Variants in FBXW10B observed in about 807,000 individuals in gnomAD.
FBXW10B encodes the protein F-box and WD repeat domain containing 10B.
chr17:15,575,091 G>GT, the FBXW10B span, among the ~76,000 whole-genome samples: 14,687 of 135,396 alleles, frequency 0.11, 634 homozygotes, highest in East Asian at 0.32. Context: ...CAAGAGGAGG[G>GT]GACAGCAGGA....
the FBXW10B span, among the ~76,000 whole-genome samples, chr17:15,576,906 G>C: frequency 0.86 from 110,293 of 127,746 alleles, 48,057 homozygotes; most frequent in African/African-American, 0.93. Context: ...CAGGGTTTAG[G>C]TTAAGTATTA....
the FBXW10B span, among the ~76,000 whole-genome samples, chr17:15,571,193 T>TA: frequency 6.6e-6 from 1 of 151,602 alleles, no homozygotes; most frequent in Non-Finnish European, 1.5e-5. Context: ...AAAATTTTTT[T>TA]AAAAAATTAG....
At chr17:15,571,331 C>G in the FBXW10B span, among the ~76,000 whole-genome samples, 1 of 148,114 alleles carries the variant, frequency 6.8e-6, no homozygotes, top group Non-Finnish European at 1.5e-5. Context: ...GGTGACACAG[C>G]AAGACCCTGT....
the FBXW10B span, among the ~76,000 whole-genome samples, chr17:15,576,797 T>C: frequency 2.7e-5 from 4 of 150,476 alleles, no homozygotes; most frequent in South Asian, 2.1e-4. Context: ...ACACTTGGAA[T>C]TGGGGTCAGT....
the FBXW10B span, among the ~76,000 whole-genome samples, chr17:15,612,291 A>G: frequency 1.3e-5 from 2 of 152,116 alleles, no homozygotes; most frequent in South Asian, 2.1e-4. Flanking sequence ...GCGGATCACA[A>G]GGTCAGGAGA....
the FBXW10B span, chr17:15,593,418 A>G: frequency 3.7e-6 from 6 of 1,614,154 alleles, no homozygotes; most frequent in Non-Finnish European, 5.1e-6. Flanking sequence ...CCCATTGAAG[A>G]AATTGTAAAT....
chr17:15,608,152 A>G, the FBXW10B span, among the ~76,000 whole-genome samples: 2 of 139,092 alleles, frequency 1.4e-5, no homozygotes, highest in African/African-American at 2.9e-5. Context: ...ATGCTATGCT[A>G]TGCATTTGCA....
the FBXW10B span, among the ~76,000 whole-genome samples, chr17:15,597,985 G>C: frequency 1.3e-5 from 2 of 152,250 alleles, no homozygotes; most frequent in Non-Finnish European, 2.9e-5. Flanking sequence ...TCTGGATCCA[G>C]AGGCCATGTG....
At chr17:15,611,245 AACTCCTG>A in the FBXW10B span, among the ~76,000 whole-genome samples, 4 of 151,986 alleles carry the variant, frequency 2.6e-5, no homozygotes, top group Non-Finnish European at 4.4e-5. Context: ...GCTGGTTTCA[AACTCCTG>A]ACCTCGTGAT....
At chr17:15,609,857 T>TTTTTTC in the FBXW10B span, among the ~76,000 whole-genome samples, 12 of 135,488 alleles carry the variant, frequency 8.9e-5, no homozygotes, top group African/African-American at 3.5e-4. Flanking sequence ...TCTTTCTTTT[T>TTTTTTC]TTTTTTTTTT....
the FBXW10B span, among the ~76,000 whole-genome samples, chr17:15,584,648 G>C: frequency 2.6e-5 from 4 of 152,162 alleles, no homozygotes; most frequent in Admixed American, 1.3e-4. Flanking sequence ...TGCCAGAAGG[G>C]GAAGGATTCC....
the FBXW10B span, chr17:15,569,020 G>T: frequency 8.3e-7 from 1 of 1,203,086 alleles, no homozygotes; most frequent in Non-Finnish European, 1.0e-6. Context: ...TAGGTCTTCC[G>T]TAAGTGATCA....
chr17:15,593,148 C>G, the FBXW10B span: 1 of 253,688 alleles, frequency 3.9e-6, no homozygotes, highest in Non-Finnish European at 6.2e-6. Context: ...TTCCTGATTA[C>G]TAAGTTTTGT....
At chr17:15,593,243 A>T in the FBXW10B span, 1 of 1,592,780 alleles carries the variant, frequency 6.3e-7, no homozygotes, top group South Asian at 1.1e-5. Flanking sequence ...TCTCCTCCTG[A>T]CAGCAAATCC....
At chr17:15,592,456 A>T in the FBXW10B span, among the ~76,000 whole-genome samples, 2 of 152,138 alleles carry the variant, frequency 1.3e-5, no homozygotes, top group African/African-American at 4.8e-5. Flanking sequence ...GTCTCAAGTG[A>T]GCTTGAAGTA....
At chr17:15,584,518 T>C in the FBXW10B span, among the ~76,000 whole-genome samples, 40 of 152,250 alleles carry the variant, frequency 2.6e-4, no homozygotes, top group African/African-American at 8.7e-4. Context: ...TTACTTTTGT[T>C]ATAAATGTTT....
At chr17:15,593,527 A>G in the FBXW10B span, 7 of 1,608,506 alleles carry the variant, frequency 4.4e-6, no homozygotes, top group Non-Finnish European at 5.1e-6. Flanking sequence ...GGCAGTACCC[A>G]TCCTCTCATA....
the FBXW10B span, among the ~76,000 whole-genome samples, chr17:15,582,287 GACC>G: frequency 6.7e-6 from 1 of 149,830 alleles, no homozygotes; most frequent in Non-Finnish European, 1.5e-5. Context: ...ATTTAGCTCT[GACC>G]ACATTTTATG....
chr17:15,574,959 G>A, the FBXW10B span, among the ~76,000 whole-genome samples: 3 of 144,554 alleles, frequency 2.1e-5, no homozygotes, highest in Non-Finnish European at 3.0e-5. Context: ...TCCCTTCCCT[G>A]TACCTCTTAC....
Sources: allele counts gnomAD v4.1 joint callset (sites outside exome capture counted in the v4.1 genomes callset), GRCh38; gene constraint gnomAD v4.1.1; transcripts MANE v1.5; gene names NCBI Gene and HGNC (gene_info 2026-07-23, HGNC 2026-07-21).